NLE1: variants seen among roughly 807,000 people sequenced by gnomAD.
NLE1 encodes the protein notchless homolog 1, also known as notchless protein homolog 1.
In NLE1, 37 loss-of-function variants were observed where a neutral mutation model predicts 62.8. The ratio of observed to expected loss-of-function variants is 0.59; its 90% CI spans 0.45 to 0.78. The LOEUF (loss-of-function observed/expected upper bound fraction) is 0.78. Ranked by LOEUF, NLE1 falls within the 30% of genes least tolerant of loss-of-function variation. NLE1 has a pLI of 0.00. For synonymous variants in NLE1, 243 were observed against 253.0 expected (o/e 0.96, Z 0.37); for missense variants, 555 against 637.9 (o/e 0.87, Z 1.40).
chr17:35,137,780 G>T (rs1369798978), intron 5 of NLE1, 34 bp downstream of exon 5: 1 of 1,561,010 alleles, frequency 6.4e-7, no homozygotes, highest in Admixed American at 1.7e-5. Context: ...AGGCCCCCTT[G>T]AGTCTCTGCC....
At position 35,133,503 on chromosome 17, in the gene NLE1, T is replaced by G. The variant is rs1311202496; in HGVS notation, c.1215-5A>C. 1 of 1,608,508 alleles carries G rather than the reference T, an allele frequency of 6.2e-7. No homozygotes were observed. The highest frequency in any genetic ancestry group is 1.3e-5 in the African/African-American group (1 of 74,970). ...CCGCGTAGGGAAGCCAGGTACCTGG[T>G]CCAGGAGAAGACGATGATGGATTTT... On this transcript the variant is annotated splice_polypyrimidine_tract_variant and splice_region_variant and intron_variant, in intron 10 of 12. Coordinates refer to ENST00000442241, the MANE Select transcript of NLE1 (RefSeq NM_018096.5).
rs2091869797 is a variant in NLE1 at position 35,130,392 on chromosome 17, G to C, written c.*2045C>G. The C allele has an allele frequency of 6.2e-7, 1 of 1,614,000 alleles. No homozygotes were observed. Among genetic ancestry groups the C allele is most frequent in the African/African-American group, 1.3e-5 (1 of 74,916 alleles). The stretch of plus-strand genomic sequence containing the variant: ...AGATCGTGTCCATCGGGCCGGAGGA[G>C]ATGCGGAGGCTGGAGGATCTGGAAT... On this transcript the variant is annotated 3_prime_UTR_variant, in exon 13 of 13. Transcript: ENST00000442241.
Position 35,129,571 on chromosome 17 carries a change from G to T in NLE1, c.*2866C>A. ...AGATTTTGGGCACTACTGTCAAGCTGATGGAGCTAAAGCCTAACACGTGTT... is the reference window on the plus strand; with the variant it reads ...AGATTTTGGGCACTACTGTCAAGCTTATGGAGCTAAAGCCTAACACGTGTT... On this transcript the variant is annotated 3_prime_UTR_variant, in exon 13 of 13. Transcript: ENST00000442241. The T allele has an allele frequency of 6.2e-7, 1 of 1,614,206 alleles. No individual in the cohort carries two copies. Among genetic ancestry groups the T allele is most frequent in the Non-Finnish European group, 8.5e-7 (1 of 1,180,036 alleles).
rs2091901337 is a variant in NLE1, at chr17:35,135,269, C to A, written c.1194G>T (p.Leu398=). ...CTCACTTGCCCGTCCTGCCATCCCA[C>A]AGCTTGATGGACTTGTCAAAGGAGG... is the stretch of plus-strand genomic sequence containing the variant. ...ASASFDKSIK[L]WDGRTGKYLA... is the part of the protein sequence containing the mutation. Residue 398 remains leucine, a synonymous_variant, in exon 10 of 13, where the codon CTG becomes CTT. Coordinates refer to ENST00000442241, the MANE Select transcript of NLE1 (RefSeq NM_018096.5). 6.2e-7 allele frequency: 1 copy of A among 1,614,080 alleles called. No homozygotes were observed. Among genetic ancestry groups the A allele is most frequent in the Non-Finnish European group, 8.5e-7 (1 of 1,180,038 alleles).
In NLE1 at chr17:35,137,563, C is replaced by T. The variant is rs533571855; in HGVS notation, c.615G>A (p.Leu205=). The part of the protein sequence containing the change: ...LAGHSKWITG[L]SWEPLHANPE... ...CTTACGCATGGAGGGGCTCCCAGCT[C>T]AGGCCTGTGATCCACTTGCTGTGGC... is the stretch of plus-strand genomic sequence containing the variant. Residue 205 remains leucine (L), a synonymous_variant, in exon 6 of 13, where the codon CTG becomes CTA. Transcript: ENST00000442241. The T allele has an allele frequency of 1.2e-6, 2 of 1,609,916 alleles. No homozygotes were observed. The highest frequency in any genetic ancestry group is 1.1e-5 in the South Asian group (1 of 90,954).
rs2091865434 is a variant in NLE1 at position 35,129,768 on chromosome 17, G to A, written c.*2669C>T. 2 of 1,476,648 alleles carry A rather than the reference G, an allele frequency of 1.4e-6. No homozygotes were observed. Among genetic ancestry groups the A allele is most frequent in the Non-Finnish European group, 1.8e-6 (2 of 1,115,220 alleles). The allele number at this position is 1,476,648 out of a possible 1,614,324, so 91.5% of individuals were successfully genotyped here. On this transcript the variant is annotated 3_prime_UTR_variant, in exon 13 of 13. Transcript: ENST00000442241. Reference sequence around the variant, plus strand: ...TATGCCCACATGACTCATCTGGCTAGCTTTCCTTCTGCCTGGGTCAAGAAG... The same window carrying A: ...TATGCCCACATGACTCATCTGGCTAACTTTCCTTCTGCCTGGGTCAAGAAG...
intron 7 of NLE1, among the ~76,000 whole-genome samples, chr17:35,136,705 G>A (rs2091911023): frequency 6.6e-6 from 1 of 152,206 alleles, no homozygotes; most frequent in South Asian, 2.1e-4. Flanking sequence ...AGTTAGGGAT[G>A]TCAGAGTAAA....
chr17:35,136,250 G>A (rs1221861702), intron 8 of NLE1, 35 bp from the exon 9 acceptor site: 1 of 1,613,700 alleles, frequency 6.2e-7, no homozygotes, highest in Non-Finnish European at 8.5e-7. Flanking sequence ...AAAAGGAGAT[G>A]AGGAAGAAGG....
intron 4 of NLE1, 114 bp downstream of exon 4, chr17:35,139,121 G>A (rs2091927145): frequency 3.5e-6 from 3 of 849,684 alleles, no homozygotes; most frequent in Non-Finnish European, 3.7e-6. Flanking sequence ...CAAGGCTTGA[G>A]CCCAGGAGTT....
In NLE1 at chr17:35,137,608, C is replaced by G. The variant is rs1467264639; in HGVS notation, c.570G>C (p.Gln190His). The G allele has an allele frequency of 1.2e-5, 19 of 1,610,826 alleles. No individual in the cohort carries two copies. Among genetic ancestry groups the G allele is most frequent in the Non-Finnish European group, 1.6e-5 (19 of 1,179,996 alleles). The change falls in exon 6 of 13, where the codon CAG becomes CAC. Residue 190 changes from glutamine to histidine, a missense_variant. Gln to His is a conservative substitution (Grantham distance 24, BLOSUM62 0). Transcript: ENST00000442241. Reference protein sequence around the residue: ...ILLWDPSTGKQVGRTLAGHSK... With the variant: ...ILLWDPSTGKHVGRTLAGHSK... ...TGTGGCCAGCGAGGGTCCTGCCCAC[C>G]TGCTTCCCTGTGCTTGGGTCCCAGA...
At chr17:35,142,201 G>A in intron 1 of NLE1, 57 bp downstream of exon 1, 1 of 1,585,310 alleles carries the variant, frequency 6.3e-7, no homozygotes, top group Non-Finnish European at 8.5e-7. Context: ...AGGCCTCAGG[G>A]ACCCGGGCCC....
intron 2 of NLE1, 113 bp from the exon 3 acceptor site, chr17:35,140,179 C>T (rs563965399): frequency 3.3e-6 from 4 of 1,197,440 alleles, no homozygotes; most frequent in East Asian, 5.1e-5. Context: ...TTTCAGCCAT[C>T]GTGCTAGGGA....
intron 12 of NLE1, among the ~76,000 whole-genome samples, 155 bp downstream of exon 12, chr17:35,133,016 T>C (rs377331595): frequency 2.6e-5 from 4 of 152,116 alleles, no homozygotes; most frequent in Non-Finnish European, 5.9e-5. Context: ...GCCCTCCCAC[T>C]TGCCCACTGA....
chr17:35,139,284 G>C lies in NLE1; in HGVS notation c.411C>G (p.Thr137=), dbSNP rs908006482. ...KYLASGSGDT[T]VRFWDLSTET... is the part of the protein sequence containing the mutation. Reference sequence around the variant, plus strand: ...CTGTGCTGAGATCCCAGAAGCGCACGGTGGTGTCTCCAGAGCCACTGGCCA... The same window carrying C: ...CTGTGCTGAGATCCCAGAAGCGCACCGTGGTGTCTCCAGAGCCACTGGCCA... Residue 137 remains threonine (T), a synonymous_variant, in exon 4 of 13, where the codon ACC becomes ACG. Transcript: ENST00000442241. The C allele has an allele frequency of 1.9e-5, 31 of 1,614,050 alleles. No individual in the cohort carries two copies. Among genetic ancestry groups the C allele is most frequent in the Non-Finnish European group, 2.6e-5 (31 of 1,179,954 alleles).
rs1357059190 is a variant in NLE1 at position 35,129,976 on chromosome 17, GA to G, written c.*2460del. 2 of 1,370,918 alleles carry G rather than the reference GA, an allele frequency of 1.5e-6. No individual in the cohort carries two copies. Among genetic ancestry groups the G allele is most frequent in the African/African-American group, 2.9e-5 (2 of 68,726 alleles). The allele number at this position is 1,370,918 out of a possible 1,614,324, so 84.9% of individuals were successfully genotyped here. ...AGTAGGCTGGGAAGTCAAGGGCATT[GA>G]AAGAAATAGGGAAGACAAGAGGCTA... On this transcript the variant is annotated 3_prime_UTR_variant, in exon 13 of 13. Coordinates refer to ENST00000442241, the MANE Select transcript of NLE1 (RefSeq NM_018096.5).
In NLE1 at chr17:35,130,465, C is replaced by T; in HGVS notation, c.*1972G>A. 6.2e-7 allele frequency: 1 copy of T among 1,602,200 alleles called. No homozygotes were observed. The highest frequency in any genetic ancestry group is 8.5e-7 in the Non-Finnish European group (1 of 1,173,456). On this transcript the variant is annotated 3_prime_UTR_variant, in exon 13 of 13. Transcript: ENST00000442241. ...AGGGCCCCAGGACACCCCTCACCTA[C>T]TTTCAGCTTCAACCCCAGGCCCTCA... is the stretch of plus-strand genomic sequence containing the variant.
Position 35,137,523 on chromosome 17 carries a change from G to A in NLE1, c.635+20C>T, listed in dbSNP as rs775597300. 1.3e-6 allele frequency: 2 copies of A among 1,586,680 alleles called. No individual in the cohort carries two copies. Among genetic ancestry groups the A allele is most frequent in the Non-Finnish European group, 8.6e-7 (1 of 1,164,276 alleles). On this transcript the variant is annotated intron_variant, in intron 6 of 12. Coordinates refer to ENST00000442241, the MANE Select transcript of NLE1 (RefSeq NM_018096.5). The stretch of plus-strand genomic sequence containing the variant: ...TTGATCCCCTGGCTCATTTGTCCCA[G>A]CTCCGTCAGTGTCACTTACGCATGG...
intron 2 of NLE1, 29 bp from the exon 3 acceptor site, chr17:35,140,095 G>A (rs368338718): frequency 2.1e-4 from 344 of 1,605,116 alleles, no homozygotes; most frequent in Admixed American, 3.2e-4. Context: ...GGACAAACCC[G>A]CAACAATGGA....
intron 12 of NLE1, 129 bp downstream of exon 12, chr17:35,133,042 C>G (rs1165722952): frequency 1.0e-5 from 9 of 891,552 alleles, no homozygotes; most frequent in Non-Finnish European, 1.6e-5. Context: ...TGGCTCCACA[C>G]GCCTCCTCAA....
Sources: allele counts gnomAD v4.1 joint callset (sites outside exome capture counted in the v4.1 genomes callset), GRCh38; gene constraint gnomAD v4.1.1; transcripts MANE v1.5; gene names NCBI Gene and HGNC (gene_info 2026-07-23, HGNC 2026-07-21).